Variants in HSPA13 observed in about 807,000 individuals in gnomAD.
HSPA13 encodes the protein heat shock protein family A (Hsp70) member 13.
Under a neutral mutation model 38.8 loss-of-function variants are expected in HSPA13, and 29 were observed. That is an observed-to-expected ratio of 0.75 (90% CI 0.56 to 1.02). The LOEUF is 1.02. Among genes scored for constraint, HSPA13 ranks in the 50% least tolerant of loss-of-function variants. The pLI, the probability that HSPA13 is intolerant of heterozygous loss-of-function variation, is 0.00. For missense variants in HSPA13, 451 were observed against 560.9 expected (o/e 0.80, Z 1.98); for synonymous variants, 192 against 205.3 (o/e 0.94, Z 0.56).
At position 14,374,255 on chromosome 21, in the gene HSPA13, T is replaced by C; in HGVS notation, c.778A>G (p.Asn260Asp). The change falls in exon 5 of 5, where the codon AAT becomes GAT. Residue 260 changes from asparagine to aspartate, a missense_variant. Coordinates refer to ENST00000285667, the MANE Select transcript of HSPA13 (RefSeq NM_006948.5). ...TATAAGTACTGAAGCAATCTCTGAT[T>C]GAAGTCCTGTCCTCCAAGTTTATTG... is the stretch of plus-strand genomic sequence containing the variant. ...GNNKLGGQDF[N>D]QRLLQYLYKQ... 6.2e-7 allele frequency: 1 copy of C among 1,609,786 alleles called. No homozygotes were observed. Among genetic ancestry groups the C allele is most frequent in the Non-Finnish European group, 8.5e-7 (1 of 1,179,200 alleles).
chr21:14,375,001 A>G (rs114529439), intron 4 of HSPA13, among the ~76,000 whole-genome samples: 1 of 152,190 alleles, frequency 6.6e-6, no homozygotes, highest in Non-Finnish European at 1.5e-5. Context: ...AGGTTAGAAT[A>G]CCTGTAACTT....
chr21:14,376,554 G>A (rs1435850815), intron 3 of HSPA13, among the ~76,000 whole-genome samples: 1 of 152,204 alleles, frequency 6.6e-6, no homozygotes, highest in East Asian at 1.9e-4. Context: ...CCATACTTAT[G>A]AGCGGTATGC....
At chr21:14,381,095 G>A in intron 2 of HSPA13, 108 bp downstream of exon 2, 2 of 828,780 alleles carry the variant, frequency 2.4e-6, no homozygotes, top group Non-Finnish European at 1.9e-6. Flanking sequence ...GAACTTTCAT[G>A]TATTAATAGA....
intron 2 of HSPA13, among the ~76,000 whole-genome samples, chr21:14,380,903 ATATC>A (rs1169863645): frequency 6.6e-6 from 1 of 152,194 alleles, no homozygotes; most frequent in Non-Finnish European, 1.5e-5. Context: ...CACACACAGA[ATATC>A]TATCTATGGT....
intron 2 of HSPA13, 100 bp downstream of exon 2, chr21:14,381,103 A>G (rs1984156631): frequency 1.1e-6 from 1 of 883,036 alleles, no homozygotes; most frequent in Non-Finnish European, 1.7e-6. Context: ...ATGTATTAAT[A>G]GATAAAACTA....
At position 14,372,075 on chromosome 21, in the gene HSPA13, A is replaced by G. The variant is rs572373580; in HGVS notation, c.*1542T>C. 4 of 152,214 alleles carry G rather than the reference A, an allele frequency of 2.6e-5. No individual in the cohort carries two copies. Among genetic ancestry groups the G allele is most frequent in the African/African-American group, 9.6e-5 (4 of 41,556 alleles). The allele number at this position is 152,214 out of a possible 1,614,324, so 9.4% of individuals were successfully genotyped here. A position where few individuals can be genotyped will look rare whatever the true frequency, so the allele number is the denominator to read the frequency against. On this transcript the variant is annotated 3_prime_UTR_variant, in exon 5 of 5. Coordinates refer to ENST00000285667, the MANE Select transcript of HSPA13 (RefSeq NM_006948.5). ...ATTTCATTGCTAAGAATTTTTTTTT[A>G]GATATGAAAAATATTAGTAACATTC... is the stretch of plus-strand genomic sequence containing the variant.
At chr21:14,376,273 C>T (rs934915298) in intron 3 of HSPA13, among the ~76,000 whole-genome samples, 2 of 152,006 alleles carry the variant, frequency 1.3e-5, no homozygotes, top group South Asian at 2.1e-4. Flanking sequence ...ATGAGCCGGG[C>T]GTGGTGGCGG....
Position 14,381,352 on chromosome 21 carries a change from A to G in HSPA13, c.217T>C (p.Phe73Leu). ...GHISIPSMVS[F>L]TDNDVYVGYE... The stretch of plus-strand genomic sequence containing the variant: ...CCCACATATACATCATTGTCAGTAA[A>G]AGACACCATGCTGGGTATGCTGATA... The change falls in exon 2 of 5, where the codon TTT becomes CTT. Residue 73 changes from phenylalanine to leucine, a missense_variant. Coordinates refer to ENST00000285667, the MANE Select transcript of HSPA13 (RefSeq NM_006948.5). The G allele has an allele frequency of 6.2e-7, 1 of 1,614,142 alleles. No homozygotes were observed. Among genetic ancestry groups the G allele is most frequent in the Non-Finnish European group, 8.5e-7 (1 of 1,180,028 alleles).
At chr21:14,374,763 T>C (rs888835883) in intron 4 of HSPA13, among the ~76,000 whole-genome samples, 3 of 152,188 alleles carry the variant, frequency 2.0e-5, no homozygotes, top group Non-Finnish European at 4.4e-5. Flanking sequence ...TAAGTAGCTA[T>C]TTAAAAACAC....
In HSPA13 at chr21:14,373,691, C is replaced by T. The variant is rs1982882163; in HGVS notation, c.1342G>A (p.Gly448Arg). ...TGVAIQAGID[G>R]GSWPLQVSAL... ...CTGACTTGGAGAGGCCAAGAGCCTC[C>T]ATCAATCCCTGCTTGGATAGCCACT... is the stretch of plus-strand genomic sequence containing the variant. The change falls in exon 5 of 5, where the codon GGA becomes AGA. Residue 448 changes from glycine to arginine, a missense_variant. Physicochemically the swap from Gly to Arg is moderately radical, Grantham distance 125. Transcript: ENST00000285667. 2.5e-6 allele frequency: 4 copies of T among 1,614,152 alleles called. No individual in the cohort carries two copies. Among genetic ancestry groups the T allele is most frequent in the Non-Finnish European group, 3.4e-6 (4 of 1,180,018 alleles).
chr21:14,373,685 A>G lies in HSPA13; in HGVS notation c.1348T>C (p.Ser450Pro). ...VAIQAGIDGG[S>P]WPLQVSALEI... ...AAAGCACTGACTTGGAGAGGCCAAG[A>G]GCCTCCATCAATCCCTGCTTGGATA... The change falls in exon 5 of 5, where the codon TCT becomes CCT. Residue 450 changes from serine to proline, a missense_variant. Ser to Pro is a moderately conservative substitution (Grantham distance 74). Transcript: ENST00000285667. The G allele has an allele frequency of 6.2e-7, 1 of 1,614,192 alleles. No homozygotes were observed. The highest frequency in any genetic ancestry group is 8.5e-7 in the Non-Finnish European group (1 of 1,180,022).
At chr21:14,378,549 T>A in intron 2 of HSPA13, 137 bp from the exon 3 acceptor site, 1 of 616,598 alleles carries the variant, frequency 1.6e-6, no homozygotes, top group Non-Finnish European at 2.9e-6. Context: ...GAAATCTATC[T>A]AGTACATTTA....
chr21:14,374,493 G>A (rs1199938349), intron 4 of HSPA13, among the ~76,000 whole-genome samples: 1 of 152,172 alleles, frequency 6.6e-6, no homozygotes, highest in Non-Finnish European at 1.5e-5. Flanking sequence ...ACTTTGGAAG[G>A]CTGAGGTGGG....
chr21:14,377,318 A>C (rs1323704207), intron 3 of HSPA13, among the ~76,000 whole-genome samples: 1 of 152,200 alleles, frequency 6.6e-6, no homozygotes, highest in Non-Finnish European at 1.5e-5. Context: ...TCATTAAATG[A>C]TCTATCTCAG....
At chr21:14,378,132 T>TA in intron 3 of HSPA13, 67 bp downstream of exon 3, 1 of 1,214,348 alleles carries the variant, frequency 8.2e-7, no homozygotes, top group African/African-American at 1.5e-5. Flanking sequence ...TGGTAAACCT[T>TA]ACTACAGAAG....
chr21:14,375,582 T>G (rs1984000378), intron 4 of HSPA13, 70 bp downstream of exon 4: 1 of 1,251,124 alleles, frequency 8.0e-7, no homozygotes, highest in Admixed American at 1.9e-5. Context: ...TCCACCCGCC[T>G]CGGCCTCCCA....
intron 3 of HSPA13, among the ~76,000 whole-genome samples, chr21:14,377,872 G>A (rs932404289): frequency 2.0e-5 from 3 of 152,292 alleles, no homozygotes; most frequent in South Asian, 2.1e-4. Flanking sequence ...TCGGGCCTTC[G>A]GCCATAGACT....
At chr21:14,379,109 T>C (rs1984106385) in intron 2 of HSPA13, among the ~76,000 whole-genome samples, 1 of 152,090 alleles carries the variant, frequency 6.6e-6, no homozygotes, top group Non-Finnish European at 1.5e-5. Flanking sequence ...TTTCTAAGAG[T>C]AATGGATAGC....
At chr21:14,374,318 C>G in intron 4 of HSPA13, 34 bp from the exon 5 acceptor site, 4 of 1,496,918 alleles carry the variant, frequency 2.7e-6, no homozygotes, top group Non-Finnish European at 3.7e-6. Flanking sequence ...TATAGTTATG[C>G]ATATATGTGT....
Sources: gnomAD v4.1 joint callset for allele counts (sites outside exome capture counted in the v4.1 genomes callset) on GRCh38, gnomAD v4.1.1 for gene constraint, MANE v1.5 for transcripts, NCBI Gene and HGNC (gene_info 2026-07-23, HGNC 2026-07-21) for gene names.